The following MYH3 variants were observed in gnomAD, a reference collection of about 807,000 sequenced individuals.
MYH3 encodes myosin heavy chain 3, also known as myosin-3.
A neutral mutation model predicts 238.0 loss-of-function variants in MYH3; 130 were observed. That is an observed-to-expected ratio of 0.55 (90% confidence interval 0.47 to 0.63). The LOEUF is 0.63. Ranked by LOEUF, MYH3 falls within the 30% of genes least tolerant of loss-of-function variation. MYH3 has a pLI of 0.00. For missense variants in MYH3, 1,853 were observed against 2,374.9 expected (o/e 0.78, Z 4.57); for synonymous variants, 880 against 924.1 (o/e 0.95, Z 0.86).
Position 10,651,533 on chromosome 17 carries a change from C to T in MYH3, c.484G>A (p.Ala162Thr), listed in dbSNP as rs1031781302. The T allele has an allele frequency of 6.2e-7, 1 of 1,613,730 alleles. No homozygotes were observed. Residue 162 changes from alanine (A) to threonine (T), a missense_variant, in exon 5 of 41, where the codon GCC becomes ACC. Transcript: ENST00000583535. Reference protein sequence around the residue: ...PPHIFSISDNAYQFMLTDREN... With the variant: ...PPHIFSISDNTYQFMLTDREN... ...TCACCAGTCAGCATGAACTGATAGG[C>T]GTTGTCAGAGATGGAGAAGATGTGG...
chr17:10,630,288 C>T lies in MYH3; in HGVS notation c.5457G>A (p.Arg1819=). 1 of 1,614,144 alleles carries T rather than the reference C, an allele frequency of 6.2e-7. No individual in the cohort carries two copies. Among genetic ancestry groups the T allele is most frequent in the Non-Finnish European group, 8.5e-7 (1 of 1,180,036 alleles). Residue 1819 remains arginine, a splice_region_variant and synonymous_variant, in exon 37 of 41, where the codon AGG becomes AGA. Transcript: ENST00000583535. ...CAGGCGGGGTTCCTCCTGCACACAC[C>T]CTGGTCTCCAGTTTCTGGATCTGCT... is the stretch of plus-strand genomic sequence containing the variant. ...GKKQIQKLET[R]IRELEFELEG...
At chr17:10,643,322 A>G (rs2074290640) in intron 14 of MYH3, among the ~76,000 whole-genome samples, 2 of 151,404 alleles carry the variant, frequency 1.3e-5, no homozygotes, top group African/African-American at 4.9e-5. Flanking sequence ...TTTCACCTGT[A>G]TGTCTTGTAC....
At position 10,634,127 on chromosome 17, in the gene MYH3, G is replaced by T. The variant is rs751690306; in HGVS notation, c.4412C>A (p.Ser1471Tyr). ...CEESQAELEASLKESRSLSTE... is the reference protein window; with the variant it reads ...CEESQAELEAYLKESRSLSTE... Reference sequence around the variant, plus strand: ...GCTCAAGGAGCGGGACTCCTTCAGGGATGCCTCCAGCTCTGCTTGGCTCTC... The same window carrying T: ...GCTCAAGGAGCGGGACTCCTTCAGGTATGCCTCCAGCTCTGCTTGGCTCTC... Residue 1471 changes from serine to tyrosine, a missense_variant, in exon 32 of 41, where the codon TCC becomes TAC. Ser to Tyr is a moderately radical substitution (Grantham distance 144). Around this residue, in one of 3 missense-constraint regions of MYH3, gnomAD observed 1,044 missense variants for 1,192.6 expected, o/e 0.88. Coordinates refer to ENST00000583535, the MANE Select transcript of MYH3 (RefSeq NM_002470.4). The T allele has an allele frequency of 1.2e-6, 2 of 1,614,198 alleles. No homozygotes were observed. Among genetic ancestry groups the T allele is most frequent in the Non-Finnish European group, 1.7e-6 (2 of 1,180,056 alleles).
chr17:10,650,411 G>T lies in MYH3; in HGVS notation c.506-10C>A. On this transcript the variant is annotated splice_polypyrimidine_tract_variant and intron_variant, in intron 5 of 40. Transcript: ENST00000583535. ...GACTGGTTTTCACGATCTGCCAGAGGAAAAAATAAAATAGAGTTGATGGCA... is the reference window on the plus strand; with the variant it reads ...GACTGGTTTTCACGATCTGCCAGAGTAAAAAATAAAATAGAGTTGATGGCA... The T allele has an allele frequency of 6.2e-7, 1 of 1,610,960 alleles. No individual in the cohort carries two copies. Among genetic ancestry groups the T allele is most frequent in the Non-Finnish European group, 8.5e-7 (1 of 1,177,312 alleles).
At chr17:10,655,218 C>T in intron 2 of MYH3, 146 bp from the exon 3 acceptor site, 1 of 705,924 alleles carries the variant, frequency 1.4e-6, no homozygotes, top group Non-Finnish European at 2.5e-6. Context: ...GTCCTCATGC[C>T]TTGAGAAGCT....
chr17:10,633,125 T>A (rs1232014088), intron 33 of MYH3, among the ~76,000 whole-genome samples: 1 of 152,064 alleles, frequency 6.6e-6, no homozygotes, highest in Non-Finnish European at 1.5e-5. Context: ...GGCAGGAGAA[T>A]CATTTGAACC....
chr17:10,649,601 G>A lies in MYH3; in HGVS notation c.618C>T (p.Ala206=). The change falls in exon 7 of 41, where the codon GCC becomes GCT. Residue 206 remains alanine, a synonymous_variant. Transcript: ENST00000583535. ...FATIAATGDL[A]KKKDSKMKGT... Reference sequence around the variant, plus strand: ...CCTTCATTTTGGAGTCCTTCTTCTTGGCCAGGTCCCCAGTAGCTGCAATTG... The same window carrying A: ...CCTTCATTTTGGAGTCCTTCTTCTTAGCCAGGTCCCCAGTAGCTGCAATTG... The A allele has an allele frequency of 6.2e-7, 1 of 1,614,108 alleles. No individual in the cohort carries two copies. Among genetic ancestry groups the A allele is most frequent in the Non-Finnish European group, 8.5e-7 (1 of 1,179,946 alleles).
At chr17:10,662,229 T>C (rs1597498591), upstream of MYH3, among the ~76,000 whole-genome samples, 1 of 152,164 alleles carries the variant, frequency 6.6e-6, no homozygotes, top group East Asian at 1.9e-4. Context: ...CCTATGTTGT[T>C]CAGGCTGGTC....
intron 2 of MYH3, among the ~76,000 whole-genome samples, chr17:10,655,503 AT>A (rs1210329231): frequency 2.0e-5 from 3 of 152,180 alleles, no homozygotes; most frequent in Admixed American, 6.5e-5. Context: ...CAGCAAAGAT[AT>A]TTTTGAACCA....
Position 10,628,567 on chromosome 17 carries a change from A to G in MYH3, c.*86T>C, listed in dbSNP as rs2074116162. On this transcript the variant is annotated 3_prime_UTR_variant, in exon 41 of 41. Transcript: ENST00000583535. ...GCAAAGTTTATTGCATGTGAAAAAGAGTCACATGGACATTAAGTATCAATG... is the reference window on the plus strand; with the variant it reads ...GCAAAGTTTATTGCATGTGAAAAAGGGTCACATGGACATTAAGTATCAATG... The G allele has an allele frequency of 1.4e-6, 2 of 1,430,406 alleles. No individual in the cohort carries two copies. Among genetic ancestry groups the G allele is most frequent in the Non-Finnish European group, 2.0e-6 (2 of 1,012,496 alleles). The allele number at this position is 1,430,406 out of a possible 1,614,324, so 88.6% of individuals were successfully genotyped here.
rs1173165259 is a variant in MYH3 at position 10,648,629 on chromosome 17, G to A, written c.663C>T (p.Ile221=). The part of the protein sequence containing the change: ...SKMKGTLEDQ[I]ISANPLLEAF... ...CCTCCAGCAGGGGATTGGCACTGAT[G>A]ATTTGATCTTCCAGAGTCCCCTAAT... Residue 221 remains isoleucine, a synonymous_variant, in exon 8 of 41, where the codon ATC becomes ATT. Transcript: ENST00000583535. The A allele has an allele frequency of 6.2e-7, 1 of 1,613,944 alleles. No homozygotes were observed. The highest frequency in any genetic ancestry group is 1.1e-5 in the South Asian group (1 of 91,078).
Position 10,640,058 on chromosome 17 carries a change from G to C in MYH3, c.2620C>G (p.Leu874Val), listed in dbSNP as rs781144528. The change falls in exon 22 of 41, where the codon CTA (leucine) becomes GTA (valine). Residue 874 changes from leucine to valine, a missense_variant. Leu to Val is a conservative substitution (Grantham distance 32, BLOSUM62 1). Transcript: ENST00000583535. ...LAKSEAKRKE[L>V]EEKLVTLVQE... The stretch of plus-strand genomic sequence containing the variant: ...ACCAGAGTCACCAGTTTTTCCTCTA[G>C]CTCCTTCCTTTTTGCCTCCGACTTG... 15 of 1,613,820 alleles carry C rather than the reference G, an allele frequency of 9.3e-6. No individual in the cohort carries two copies. In the African/African-American group the frequency reaches 1.7e-4, roughly 19 times the overall value.
In MYH3 at chr17:10,639,202, C is replaced by A; in HGVS notation, c.3103-13G>T. 1 of 1,614,164 alleles carries A rather than the reference C, an allele frequency of 6.2e-7. No homozygotes were observed. Among genetic ancestry groups the A allele is most frequent in the Non-Finnish European group, 8.5e-7 (1 of 1,180,026 alleles). ...GGGAGCTTTCCAGCTGAAAAAGGCA[C>A]CATTTCCTTTTGGGAACAAATGCTT... On this transcript the variant is annotated splice_polypyrimidine_tract_variant and intron_variant, in intron 24 of 40. Transcript: ENST00000583535.
In MYH3 at chr17:10,642,906, C is replaced by T. The variant is rs1469787998; in HGVS notation, c.1501G>A (p.Glu501Lys). 6.2e-7 allele frequency: 1 copy of T among 1,614,210 alleles called. No homozygotes were observed. Among genetic ancestry groups the T allele is most frequent in the Non-Finnish European group, 8.5e-7 (1 of 1,180,040 alleles). The change falls in exon 15 of 41, where the codon GAG (glutamate) becomes AAG (lysine). Residue 501 changes from glutamate (E) to lysine (K), a missense_variant. This residue lies in a region of MYH3 where 678 missense variants were observed against 1,058.9 expected (regional missense o/e 0.64). Transcript: ENST00000583535. The surrounding 1 kb of genome is among the most constrained non-coding windows in gnomAD (Gnocchi z 5.4). The stretch of plus-strand genomic sequence containing the variant: ...CACTCGATGCCTTCCTTCTTGTACT[C>T]CTCCTGCTCCAGCACGAACATGTGG... ...NHHMFVLEQE[E>K]YKKEGIEWTF...
chr17:10,628,627 T>C lies in MYH3; in HGVS notation c.*26A>G, dbSNP rs777525870. On this transcript the variant is annotated 3_prime_UTR_variant, in exon 41 of 41. Transcript: ENST00000583535. ...CAAGAAAATATACATTTTGCATATC[T>C]TCTGTCCTGCTCCAGAAGGGCTGGC... is the stretch of plus-strand genomic sequence containing the variant. The C allele has an allele frequency of 1.6e-5, 26 of 1,613,512 alleles. No homozygotes were observed. The South Asian group carries it at 2.9e-4, about 18-fold the overall frequency.
chr17:10,669,864 C>A, the MYH3 span, among the ~76,000 whole-genome samples: 1 of 152,146 alleles, frequency 6.6e-6, no homozygotes, highest in Non-Finnish European at 1.5e-5. Flanking sequence ...TGAGCCACGA[C>A]TGCACCACTG....
rs762383479 is a variant in MYH3, at chr17:10,654,865, T to C, written c.200A>G (p.Asn67Ser). The change falls in exon 3 of 41, where the codon AAC (asparagine) becomes AGC (serine). Residue 67 changes from asparagine to serine, a missense_variant. By Grantham distance (46) the Asn-to-Ser change is conservative (BLOSUM62 1). Around this residue, in one of 3 missense-constraint regions of MYH3, gnomAD observed 131 missense variants for 123.5 expected, o/e 1.06. Coordinates refer to ENST00000583535, the MANE Select transcript of MYH3 (RefSeq NM_002470.4). This position sits in a 1 kb window ranked among gnomAD's most constrained non-coding sequence, Gnocchi z 4.5. ...GTGGAGGGTACAGAGCCTTACCCTG[T>C]TGTCCTCAGTTTCCACAGTGACCTT... ...DGKVTVETEDNRTLVVKPEDV... is the reference protein window; with the variant it reads ...DGKVTVETEDSRTLVVKPEDV... The C allele has an allele frequency of 3.7e-6, 6 of 1,614,036 alleles. No homozygotes were observed. The highest frequency in any genetic ancestry group is 5.1e-6 in the Non-Finnish European group (6 of 1,180,004).
Position 10,645,736 on chromosome 17 carries a change from T to C in MYH3, c.1112A>G (p.Glu371Gly). 6.2e-7 allele frequency: 1 copy of C among 1,613,432 alleles called. No homozygotes were observed. Among genetic ancestry groups the C allele is most frequent in the Non-Finnish European group, 8.5e-7 (1 of 1,180,012 alleles). ...TGTGCCATCCGGCTCGGCCTGCTCCTCTCGCTGCTTCTGCTTGAACTTCAT... is the reference window on the plus strand; with the variant it reads ...TGTGCCATCCGGCTCGGCCTGCTCCCCTCGCTGCTTCTGCTTGAACTTCAT... ...GNMKFKQKQR[E>G]EQAEPDGTEV... Residue 371 changes from glutamate to glycine, a missense_variant, in exon 12 of 41, where the codon GAG becomes GGG. Glu to Gly is a moderately conservative substitution (Grantham distance 98). This residue lies in a region of MYH3 where 678 missense variants were observed against 1,058.9 expected (regional missense o/e 0.64). Transcript: ENST00000583535.
At position 10,638,269 on chromosome 17, in the gene MYH3, C is replaced by T. The variant is rs558085793; in HGVS notation, c.3503G>A (p.Arg1168Gln). The T allele has an allele frequency of 1.4e-5, 23 of 1,613,840 alleles. No individual in the cohort carries two copies. The highest frequency in any genetic ancestry group is 2.2e-5 in the East Asian group (1 of 44,850). ...TSTQIELNKK[R>Q]EAEFLKLRRD... ...GCGCAGCTTCAGGAACTCCGCCTCC[C>T]GCTTCTTGTTGAGCTCTATCTGCGT... The change falls in exon 27 of 41, where the codon CGG becomes CAG. Residue 1168 changes from arginine to glutamine, a missense_variant. Transcript: ENST00000583535.
Sources: gnomAD v4.1 joint callset for allele counts (sites outside exome capture counted in the v4.1 genomes callset) on GRCh38, gnomAD v4.1.1 for gene constraint, gnomAD v4.1.1 regional missense constraint, Gnocchi (gnomAD v3.1) non-coding constraint, MANE v1.5 for transcripts, NCBI Gene and HGNC (gene_info 2026-07-23, HGNC 2026-07-21) for gene names.